TAFA1: variants seen among roughly 807,000 people sequenced by gnomAD.
TAFA1 encodes the protein TAFA chemokine like family member 1.
A neutral mutation model predicts 18.5 loss-of-function variants in TAFA1; 4 were observed. That is an observed-to-expected ratio of 0.22 (90% CI 0.11 to 0.49). The LOEUF is 0.49. Among genes scored for constraint, TAFA1 ranks in the 20% least tolerant of loss-of-function variants. The pLI, the probability that TAFA1 is intolerant of heterozygous loss-of-function variation, is 0.98. For missense variants in TAFA1, 147 were observed against 169.0 expected (o/e 0.87, Z 0.72); for synonymous variants, 56 against 55.2 (o/e 1.01, Z -0.06).
intron 2 of TAFA1, among the ~76,000 whole-genome samples, chr3:68,415,691 C>A (rs2070820726): frequency 6.7e-6 from 1 of 150,368 alleles, no homozygotes; most frequent in Non-Finnish European, 1.5e-5. Context: ...ACAGACTCTA[C>A]CATATGTCAG....
intron 2 of TAFA1, among the ~76,000 whole-genome samples, chr3:68,286,671 C>G (rs139612754): frequency 6.6e-6 from 1 of 152,246 alleles, no homozygotes; most frequent in Non-Finnish European, 1.5e-5. Context: ...TATGTAGGCA[C>G]TGGAATTGAG....
intron 2 of TAFA1, among the ~76,000 whole-genome samples, chr3:68,345,646 C>A (rs1212880740): frequency 6.6e-6 from 1 of 152,156 alleles, no homozygotes; most frequent in Admixed American, 6.5e-5. Context: ...GAAATACCAT[C>A]TCATTCAAGT....
chr3:68,038,335 G>T (rs1705094631), intron 2 of TAFA1, among the ~76,000 whole-genome samples: 1 of 152,152 alleles, frequency 6.6e-6, no homozygotes. Context: ...TGTGTTCCAG[G>T]AATCTTTAGT....
At chr3:68,125,086 C>T (rs2106869181) in intron 2 of TAFA1, among the ~76,000 whole-genome samples, 1 of 152,276 alleles carries the variant, frequency 6.6e-6, no homozygotes, top group African/African-American at 2.4e-5. Context: ...CTCAGGTTTT[C>T]CTTTAGGCCT....
rs2071529304 is a variant in TAFA1 at position 68,449,312 on chromosome 3, A to G, written c.259+31892A>G. On this transcript the variant is annotated intron_variant, in intron 3 of 4. Coordinates refer to ENST00000478136, the MANE Select transcript of TAFA1 (RefSeq NM_213609.4). ...ATATGGGCTTTGTATGCAGGAAATG[A>G]GACTCATTTCATCATTTCCAAAACA... 2.0e-5 allele frequency among the ~76,000 whole-genome samples: 3 copies of G among 152,164 alleles called. 1 individual carries two copies. In the South Asian group the frequency reaches 6.2e-4, roughly 32 times the overall value.
intron 2 of TAFA1, among the ~76,000 whole-genome samples, chr3:68,407,799 CTTTTTCCTACT>C (rs1559655964): frequency 6.6e-6 from 1 of 152,048 alleles, no homozygotes; most frequent in Non-Finnish European, 1.5e-5. Context: ...GAATTTCTTC[CTTTTTCCTACT>C]TTTTTCCTTT....
intron 2 of TAFA1, among the ~76,000 whole-genome samples, chr3:68,377,048 T>C (rs932381114): frequency 1.3e-5 from 2 of 152,218 alleles, no homozygotes; most frequent in Non-Finnish European, 2.9e-5. Context: ...CCAAGCCATA[T>C]GGAACTGTGA....
chr3:68,206,372 C>A (rs749524719), intron 2 of TAFA1, among the ~76,000 whole-genome samples: 1 of 151,740 alleles, frequency 6.6e-6, no homozygotes, highest in Admixed American at 6.6e-5. Context: ...TTTTTTCTCT[C>A]TTTAATATGT....
intron 2 of TAFA1, among the ~76,000 whole-genome samples, chr3:68,111,268 A>G (rs1010531084): frequency 1.3e-5 from 2 of 152,210 alleles, no homozygotes; most frequent in African/African-American, 4.8e-5. Flanking sequence ...AATGGAAGCC[A>G]GAAGAACAAT....
chr3:68,226,344 T>G (rs1326094665), intron 2 of TAFA1, among the ~76,000 whole-genome samples: 1 of 152,240 alleles, frequency 6.6e-6, no homozygotes, highest in East Asian at 1.9e-4. Context: ...TCATAGGTTT[T>G]CCACCACTGT....
chr3:68,255,501 G>A (rs563384142), intron 2 of TAFA1, among the ~76,000 whole-genome samples: 1 of 151,892 alleles, frequency 6.6e-6, no homozygotes, highest in East Asian at 1.9e-4. Flanking sequence ...TTTTTCCTTC[G>A]ATGTGACATT....
intron 2 of TAFA1, among the ~76,000 whole-genome samples, chr3:68,158,404 G>C (rs1453831090): frequency 2.0e-5 from 3 of 151,976 alleles, no homozygotes; most frequent in African/African-American, 7.3e-5. Flanking sequence ...AATTCAACTT[G>C]TAAGGTGTAA....
At chr3:68,219,653 A>T (rs1218315250) in intron 2 of TAFA1, among the ~76,000 whole-genome samples, 1 of 152,022 alleles carries the variant, frequency 6.6e-6, no homozygotes, top group East Asian at 1.9e-4. Flanking sequence ...CTGATGCTTC[A>T]CCTTTTAAAC....
chr3:68,058,251 G>C (rs1214371984), intron 2 of TAFA1, among the ~76,000 whole-genome samples: 1 of 152,188 alleles, frequency 6.6e-6, no homozygotes, highest in Non-Finnish European at 1.5e-5. Context: ...TCATCTGTAA[G>C]ATGGGGGAAA....
rs919529510 is a variant in TAFA1 at position 68,241,299 on chromosome 3, A to T, written c.119-175981A>T. On this transcript the variant is annotated intron_variant, in intron 2 of 4. Transcript: ENST00000478136. ...TATTGCAGATTTAAATAGAAGGAAA[A>T]GAATGCAGCATTTGCTTGGTGATGT... 9.2e-5 allele frequency among the ~76,000 whole-genome samples: 14 copies of T among 152,282 alleles called. No individual in the cohort carries two copies. The East Asian group carries it at 2.5e-3, about 27-fold the overall frequency.
intron 3 of TAFA1, among the ~76,000 whole-genome samples, chr3:68,418,059 A>C (rs2106799425): frequency 6.6e-6 from 1 of 152,294 alleles, no homozygotes; most frequent in East Asian, 1.9e-4. Flanking sequence ...CAGGTCAAGA[A>C]ACATGAAGGT....
chr3:68,294,088 T>G (rs1464102308), intron 2 of TAFA1, among the ~76,000 whole-genome samples: 1 of 152,182 alleles, frequency 6.6e-6, no homozygotes, highest in East Asian at 1.9e-4. Flanking sequence ...CCTTCTTTAT[T>G]TTAGGGAATA....
intron 2 of TAFA1, among the ~76,000 whole-genome samples, chr3:68,263,107 T>C (rs2067468138): frequency 6.6e-6 from 1 of 152,140 alleles, no homozygotes; most frequent in Non-Finnish European, 1.5e-5. Context: ...TATTCAGAAA[T>C]ATTTTTAAGA....
chr3:68,314,987 G>GA (rs146506973), intron 2 of TAFA1, among the ~76,000 whole-genome samples: 18,591 of 150,608 alleles, frequency 0.12, 1,331 homozygotes, highest in East Asian at 0.31. Context: ...AATATATTAA[G>GA]AAAATCATCA....
Sources: gnomAD v4.1 joint callset for allele counts (sites outside exome capture counted in the v4.1 genomes callset) on GRCh38, gnomAD v4.1.1 for gene constraint, MANE v1.5 for transcripts, NCBI Gene and HGNC (gene_info 2026-07-23, HGNC 2026-07-21) for gene names.